MIR2052HG: variants seen among roughly 807,000 people sequenced by gnomAD.
MIR2052HG encodes MIR2052 host gene.
At chr8:74,706,214 A>G (rs1405812708) in intron 4 of MIR2052HG, among the ~76,000 whole-genome samples, 1 of 152,124 alleles carries the variant, frequency 6.6e-6, no homozygotes, top group East Asian at 1.9e-4. Context: ...TGGGTGGGCA[A>G]TGGACATGAC....
At chr8:74,638,576 G>C (rs1183663327) in intron 2 of MIR2052HG, among the ~76,000 whole-genome samples, 1 of 152,146 alleles carries the variant, frequency 6.6e-6, no homozygotes, top group African/African-American at 2.4e-5. Flanking sequence ...TTTCACATAG[G>C]AGGATTTTGG....
chr8:74,750,918 GA>G (rs1279101408), intron 4 of MIR2052HG, among the ~76,000 whole-genome samples: 1 of 152,162 alleles, frequency 6.6e-6, no homozygotes, highest in Non-Finnish European at 1.5e-5. Context: ...CTATAGAGGG[GA>G]TGAAGGACAG....
At chr8:74,646,642 C>T (rs1038123076) in intron 2 of MIR2052HG, among the ~76,000 whole-genome samples, 4 of 152,110 alleles carry the variant, frequency 2.6e-5, no homozygotes, top group African/African-American at 9.7e-5. Context: ...TTACTATGAG[C>T]CCCAGGCAAA....
intron 2 of MIR2052HG, among the ~76,000 whole-genome samples, chr8:74,686,538 G>A (rs1809182866): frequency 6.6e-6 from 1 of 151,998 alleles, no homozygotes; most frequent in East Asian, 1.9e-4. Context: ...TAGAAAACCA[G>A]CAATTGCAGC....
chr8:74,628,947 C>T (rs1383628016), intron 2 of MIR2052HG: 1 of 151,874 alleles, frequency 6.6e-6, no homozygotes, highest in Non-Finnish European at 1.5e-5. Flanking sequence ...CATGGTTTTC[C>T]AGTAGTCTGA....
intron 2 of MIR2052HG, among the ~76,000 whole-genome samples, chr8:74,683,187 T>C (rs1586912956): frequency 6.6e-6 from 1 of 152,188 alleles, no homozygotes; most frequent in South Asian, 2.1e-4. Flanking sequence ...GTATGTTATA[T>C]ACATATTTTA....
chr8:74,669,685 T>C (rs1262388483), intron 2 of MIR2052HG, among the ~76,000 whole-genome samples: 2 of 152,136 alleles, frequency 1.3e-5, no homozygotes. Flanking sequence ...TTCTTTTTCA[T>C]CCCAGGGCAT....
chr8:74,731,221 G>C (rs1809689588), intron 4 of MIR2052HG, among the ~76,000 whole-genome samples: 1 of 152,128 alleles, frequency 6.6e-6, no homozygotes, highest in South Asian at 2.1e-4. Context: ...AGTCTGCTCT[G>C]GCTGCCTCTG....
chr8:74,614,889 C>T (rs1269695137), intron 2 of MIR2052HG, among the ~76,000 whole-genome samples: 2 of 151,786 alleles, frequency 1.3e-5, no homozygotes, highest in Admixed American at 6.6e-5. Context: ...AGTTTTTCCC[C>T]ATGAGACAAA....
chr8:74,623,086 G>A lies in MIR2052HG; in HGVS notation n.216+10146G>A, dbSNP rs76321517. 3.8e-3 allele frequency among the ~76,000 whole-genome samples: 581 copies of A among 152,274 alleles called. 4 individuals carry two copies. Among genetic ancestry groups the A allele is most frequent in the African/African-American group, 0.013 (552 of 41,556 alleles). ...AGAGATCTGTTGTTCACCATGGTAA[G>A]TATATTTAACAGCAACCTAGTGTAT... On this transcript the variant is annotated intron_variant and non_coding_transcript_variant, in intron 2 of 6. Coordinates refer to ENST00000523442, the Ensembl canonical transcript of MIR2052HG.
At chr8:74,656,402 G>A (rs781618111) in intron 2 of MIR2052HG, among the ~76,000 whole-genome samples, 3 of 152,170 alleles carry the variant, frequency 2.0e-5, no homozygotes, top group South Asian at 2.1e-4. Context: ...GAGGGACACA[G>A]TATGAGGTAA....
At chr8:74,742,755 T>C (rs1178578061) in intron 4 of MIR2052HG, among the ~76,000 whole-genome samples, 1 of 152,186 alleles carries the variant, frequency 6.6e-6, no homozygotes, top group African/African-American at 2.4e-5. Context: ...TCTCTAGGTG[T>C]CTTTGCTGTG....
intron 1 of MIR2052HG, among the ~76,000 whole-genome samples, chr8:74,610,935 C>T (rs1177381070): frequency 2.0e-5 from 3 of 152,026 alleles, no homozygotes; most frequent in Non-Finnish European, 4.4e-5. Context: ...GTAAAGACTG[C>T]TTAGATATAA....
chr8:74,757,635 T>C (rs1810018345), intron 5 of MIR2052HG: 1 of 152,242 alleles, frequency 6.6e-6, no homozygotes, highest in South Asian at 2.1e-4. Flanking sequence ...ATTTGTTCAA[T>C]GATGAGTAGT....
rs1204757315 is a variant in MIR2052HG at position 74,625,638 on chromosome 8, A to G, written n.216+12698A>G. On this transcript the variant is annotated intron_variant and non_coding_transcript_variant, in intron 2 of 6. Coordinates refer to ENST00000523442, the Ensembl canonical transcript of MIR2052HG. ...CAGTGATTATCTGTCCAAAATTCCA[A>G]TAGATGCCATTATCAAGAAATTGTT... Among the ~76,000 whole-genome samples, 5 of 152,242 alleles carry G rather than the reference A, an allele frequency of 3.3e-5. No individual in the cohort carries two copies. In the East Asian group the frequency reaches 5.8e-4, roughly 18 times the overall value.
At chr8:74,604,213 T>C in intron 1 of MIR2052HG, 1 of 902,328 alleles carries the variant, frequency 1.1e-6, no homozygotes, top group Admixed American at 1.7e-5. Context: ...GAGAGTGATA[T>C]TTAATCCACC....
In MIR2052HG at chr8:74,635,063, T is replaced by TG. The variant is rs1808565705; in HGVS notation, n.216+22129dup. The stretch of plus-strand genomic sequence containing the variant: ...GACTTATTAGGATTTTAGAGAAATT[T>TG]GGGGGGTTGGGGGTGAATGGAAATG... On this transcript the variant is annotated intron_variant and non_coding_transcript_variant, in intron 2 of 6. Coordinates refer to ENST00000523442, the Ensembl canonical transcript of MIR2052HG. Among the ~76,000 whole-genome samples the TG allele has an allele frequency of 2.0e-5, 3 of 151,978 alleles. No homozygotes were observed. In the South Asian group the frequency reaches 6.2e-4, roughly 32 times the overall value.
At chr8:74,710,701 A>C (rs1423024825) in intron 4 of MIR2052HG, among the ~76,000 whole-genome samples, 1 of 152,168 alleles carries the variant, frequency 6.6e-6, no homozygotes, top group Non-Finnish European at 1.5e-5. Context: ...TTTAAAGGAT[A>C]CTTTGGAATC....
chr8:74,628,477 G>A (rs1422196490), intron 2 of MIR2052HG, among the ~76,000 whole-genome samples: 1 of 152,194 alleles, frequency 6.6e-6, no homozygotes, highest in Non-Finnish European at 1.5e-5. Flanking sequence ...GGTTGTGGTG[G>A]TGGTGAGCTT....
Sources: gnomAD v4.1 joint callset for allele counts (sites outside exome capture counted in the v4.1 genomes callset) on GRCh38, gnomAD v4.1.1 for gene constraint, MANE v1.5 for transcripts, NCBI Gene and HGNC (gene_info 2026-07-23, HGNC 2026-07-21) for gene names.